The following MGST1 variants were observed in gnomAD, a reference collection of about 807,000 sequenced individuals.
The protein encoded by MGST1 is microsomal glutathione S-transferase 1, also known as glutathione S-transferase 12.
A neutral mutation model predicts 8.9 loss-of-function variants in MGST1; 5 were observed. The observed-to-expected ratio is 0.56, with a 90% CI of 0.29 to 1.19. MGST1 has a LOEUF of 1.19. Among genes scored for constraint, MGST1 ranks in the 50% most tolerant of loss-of-function variants. MGST1 has a pLI of 0.08. For missense variants in MGST1, 182 were observed against 187.4 expected, an observed-to-expected ratio of 0.97 and a Z score of 0.17; for synonymous variants, 54 against 67.8, an observed-to-expected ratio of 0.80 and a Z score of 1.00.
At chr12:16,396,240 C>G (rs1482997004) in intron 1 of MGST1, among the ~76,000 whole-genome samples, 1 of 152,072 alleles carries the variant, frequency 6.6e-6, no homozygotes, top group Non-Finnish European at 1.5e-5. Flanking sequence ...CAGCATCCCT[C>G]TATGATTAAA....
chr12:16,522,043 C>T (rs1311721241), intron 4 of MGST1, among the ~76,000 whole-genome samples: 2 of 152,092 alleles, frequency 1.3e-5, no homozygotes, highest in African/African-American at 4.8e-5. Context: ...AAGTATTGAT[C>T]GCAATTTAAT....
chr12:16,556,227 G>GA (rs1309789607), intron 4 of MGST1, among the ~76,000 whole-genome samples: 1 of 152,122 alleles, frequency 6.6e-6, no homozygotes, highest in Non-Finnish European at 1.5e-5. Flanking sequence ...TTTCTAAGGA[G>GA]AAGGGGCTTA....
At chr12:16,406,887 C>G (rs544910689) in intron 1 of MGST1, among the ~76,000 whole-genome samples, 1 of 152,140 alleles carries the variant, frequency 6.6e-6, no homozygotes, top group Non-Finnish European at 1.5e-5. Context: ...TTTCTTACAT[C>G]GCATACAAAC....
intron 3 of MGST1, among the ~76,000 whole-genome samples, chr12:16,358,728 A>G (rs913564592): frequency 6.1e-5 from 9 of 147,422 alleles, no homozygotes; most frequent in Non-Finnish European, 1.2e-4. Flanking sequence ...TTGGCCTCCC[A>G]AAGTGCTGGG....
chr12:16,536,878 T>C (rs111833456), intron 4 of MGST1, among the ~76,000 whole-genome samples: 134 of 152,240 alleles, frequency 8.8e-4, no homozygotes, highest in African/African-American at 3.2e-3. Context: ...AAGATGAGAT[T>C]TGGGTGGGGA....
intron 4 of MGST1, among the ~76,000 whole-genome samples, chr12:16,505,924 T>G (rs982627300): frequency 3.9e-5 from 6 of 152,348 alleles, no homozygotes; most frequent in African/African-American, 1.4e-4. Context: ...ACTCAGTCCT[T>G]GTCATTTGTT....
chr12:16,472,336 AAT>A (rs911748694), intron 4 of MGST1, among the ~76,000 whole-genome samples: 2 of 152,110 alleles, frequency 1.3e-5, no homozygotes, highest in Non-Finnish European at 2.9e-5. Flanking sequence ...TTTTTGGGAT[AAT>A]ATGTTTGTAA....
intron 1 of MGST1, among the ~76,000 whole-genome samples, chr12:16,412,998 G>A (rs1175187876): frequency 6.6e-6 from 1 of 152,140 alleles, no homozygotes; most frequent in Non-Finnish European, 1.5e-5. Context: ...TAGATAATAT[G>A]TCATAATAAT....
downstream of MGST1, among the ~76,000 whole-genome samples, chr12:16,381,996 TTAAG>T (rs1176394304): frequency 1.3e-5 from 2 of 152,208 alleles, no homozygotes; most frequent in Non-Finnish European, 2.9e-5. Context: ...ATCAGGTCCT[TTAAG>T]TACTTCTCTG....
At chr12:16,379,615 G>GT (rs1427953019), downstream of MGST1, among the ~76,000 whole-genome samples, 1 of 151,972 alleles carries the variant, frequency 6.6e-6, no homozygotes, top group Non-Finnish European at 1.5e-5. Context: ...TCTCTTTTTT[G>GT]GTTGTGTCTC....
Position 16,408,716 on chromosome 12 carries a change from A to G in MGST1, n.778+25112A>G, listed in dbSNP as rs562467930. Among the ~76,000 whole-genome samples the G allele has an allele frequency of 8.9e-4, 136 of 152,256 alleles. 1 individual carries two copies. Among genetic ancestry groups the G allele is most frequent in the African/African-American group, 3.2e-3 (133 of 41,564 alleles). On this transcript the variant is annotated intron_variant and non_coding_transcript_variant, in intron 1 of 1. Transcript: ENST00000359720. ...AGCTATTAATTATTGGGATTTAAAA[A>G]TTCTCTCTTTTTACTACTTCTAGAT...
chr12:16,462,298 AT>A, intron 4 of MGST1, among the ~76,000 whole-genome samples: 1 of 152,182 alleles, frequency 6.6e-6, no homozygotes, highest in Non-Finnish European at 1.5e-5. Flanking sequence ...TGAATATACT[AT>A]TTTTAAACAG....
At chr12:16,399,889 C>A in intron 1 of MGST1, 1 of 1,259,658 alleles carries the variant, frequency 7.9e-7, no homozygotes. Context: ...GAAACTGGAC[C>A]GCTCAAAGTA....
chr12:16,536,073 G>C (rs898805013), intron 4 of MGST1, among the ~76,000 whole-genome samples: 2 of 86,650 alleles, frequency 2.3e-5, no homozygotes, highest in Non-Finnish European at 5.3e-5. Flanking sequence ...CAGTAACTTG[G>C]TGTGTGTGAG....
Position 16,560,265 on chromosome 12 carries a change from T to G in MGST1, n.483-29263T>G, listed in dbSNP as rs1942348579. On this transcript the variant is annotated intron_variant and non_coding_transcript_variant, in intron 4 of 4. Coordinates refer to the MGST1 transcript ENST00000538857. This position sits in a 1 kb window ranked among gnomAD's most constrained non-coding sequence, Gnocchi z 5.0. ...AAGACCTTTCTTCTCCTTAGTAGCTTGTCTCTGGCATGGGATTAAAGTTTA... is the reference window on the plus strand; with the variant it reads ...AAGACCTTTCTTCTCCTTAGTAGCTGGTCTCTGGCATGGGATTAAAGTTTA... 1.3e-6 allele frequency: 1 copy of G among 766,560 alleles called. No individual in the cohort carries two copies. The highest frequency in any genetic ancestry group is 2.9e-5 in the East Asian group (1 of 34,424). The allele number at this position is 766,560 out of a possible 1,614,324, so 47.5% of individuals were successfully genotyped here.
At chr12:16,575,646 C>T (rs1279271781) in intron 4 of MGST1, among the ~76,000 whole-genome samples, 1 of 152,050 alleles carries the variant, frequency 6.6e-6, no homozygotes, top group African/African-American at 2.4e-5. Flanking sequence ...ATACACCCAG[C>T]GTCACATAGA....
chr12:16,481,046 C>T (rs1941361284), intron 4 of MGST1, among the ~76,000 whole-genome samples: 1 of 152,152 alleles, frequency 6.6e-6, no homozygotes, highest in Non-Finnish European at 1.5e-5. Flanking sequence ...TTGCTGATCT[C>T]TAGCCTAGGC....
In MGST1 at chr12:16,401,130, G is replaced by A; in HGVS notation, n.778+17526G>A. 1 of 1,572,758 alleles carries A rather than the reference G, an allele frequency of 6.4e-7. No individual in the cohort carries two copies. Among genetic ancestry groups the A allele is most frequent in the Non-Finnish European group, 8.7e-7 (1 of 1,143,200 alleles). ...CCTTTTCCTCATCTTCGTTCCTTAG[G>A]AAAATACCCACATTCTTCACTTTCT... On this transcript the variant is annotated intron_variant and non_coding_transcript_variant, in intron 1 of 1. Transcript: ENST00000359720. The surrounding 1 kb of genome is among the most constrained non-coding windows in gnomAD (Gnocchi z 4.3).
chr12:16,525,293 C>T (rs1238514811), intron 4 of MGST1, among the ~76,000 whole-genome samples: 2 of 122,672 alleles, frequency 1.6e-5, no homozygotes, highest in Non-Finnish European at 3.4e-5. Context: ...TATCCCTCCC[C>T]CCTCCCCCCA....
Sources: allele counts gnomAD v4.1 joint callset (sites outside exome capture counted in the v4.1 genomes callset), GRCh38; gene constraint gnomAD v4.1.1; non-coding constraint Gnocchi (gnomAD v3.1); transcripts MANE v1.5; gene names NCBI Gene and HGNC (gene_info 2026-07-23, HGNC 2026-07-21).